PAH: variants seen among roughly 807,000 people sequenced by gnomAD.
The protein encoded by PAH is phenylalanine-4-hydroxylase.
Under a neutral mutation model 62.0 loss-of-function variants are expected in PAH, and 64 were observed. The ratio of observed to expected loss-of-function variants is 1.03; its 90% CI spans 0.84 to 1.27. The LOEUF is 1.27. PAH is among the 50% of genes most tolerant of loss of function. The probability of loss-of-function intolerance (pLI) is 0.00; values close to 1 mark genes in which losing one functional copy is unlikely to be tolerated. For missense variants in PAH, 579 were observed against 542.8 expected (o/e 1.07, Z -0.66); for synonymous variants, 195 against 196.2 (o/e 0.99, Z 0.05).
At chr12:102,898,502 A>G (rs1201725382) in intron 2 of PAH, among the ~76,000 whole-genome samples, 2 of 152,232 alleles carry the variant, frequency 1.3e-5, no homozygotes, top group African/African-American at 4.8e-5. Flanking sequence ...TAAAATTTCA[A>G]AAAATTAAAA....
At chr12:102,871,053 C>T (rs1305654745) in intron 4 of PAH, among the ~76,000 whole-genome samples, 1 of 152,326 alleles carries the variant, frequency 6.6e-6, no homozygotes, top group South Asian at 2.1e-4. Flanking sequence ...GCTGCACCTG[C>T]ATTCGACCAC....
chr12:102,863,984 T>A (rs1948299696), intron 5 of PAH, among the ~76,000 whole-genome samples: 1 of 152,202 alleles, frequency 6.6e-6, no homozygotes, highest in African/African-American at 2.4e-5. Context: ...CCATTTTGAA[T>A]CTTTACTTTT....
intron 2 of PAH, among the ~76,000 whole-genome samples, chr12:102,896,751 A>G (rs746921676): frequency 2.0e-5 from 3 of 152,206 alleles, no homozygotes; most frequent in Non-Finnish European, 4.4e-5. Flanking sequence ...TCTGTTGTCT[A>G]TGTGGCTAAA....
upstream of PAH, among the ~76,000 whole-genome samples, chr12:102,918,881 A>G (rs940672403): frequency 1.3e-5 from 2 of 152,206 alleles, no homozygotes; most frequent in African/African-American, 4.8e-5. Flanking sequence ...CCTCAGCCTC[A>G]GGATTTTCTT....
intron 1 of PAH, among the ~76,000 whole-genome samples, chr12:102,948,939 T>A (rs535952285): frequency 3.9e-4 from 60 of 152,166 alleles, no homozygotes; most frequent in Non-Finnish European, 7.8e-4. Flanking sequence ...CCAAATTGTA[T>A]GGAGAAGAAT....
intron 1 of PAH, among the ~76,000 whole-genome samples, chr12:102,944,404 C>A (rs954686902): frequency 6.6e-6 from 1 of 152,136 alleles, no homozygotes; most frequent in Non-Finnish European, 1.5e-5. Context: ...TAGGTCTGCT[C>A]TTTTAAGGTT....
At chr12:102,898,347 T>C (rs1461710963) in intron 2 of PAH, among the ~76,000 whole-genome samples, 2 of 152,250 alleles carry the variant, frequency 1.3e-5, no homozygotes, top group African/African-American at 4.8e-5. Context: ...AGTCAGAAAG[T>C]ATGTGATTTC....
intron 11 of PAH, among the ~76,000 whole-genome samples, chr12:102,841,388 A>G (rs1874589432): frequency 6.6e-6 from 1 of 152,172 alleles, no homozygotes; most frequent in Admixed American, 6.6e-5. Flanking sequence ...GGGAGACAGT[A>G]GGGACCTCCA....
chr12:102,958,393 CGCAGCA>C (rs3832799), upstream of PAH: 724 of 1,506,104 alleles, frequency 4.8e-4, no homozygotes, highest in African/African-American at 2.7e-3. Flanking sequence ...GCGCAGAGCG[CGCAGCA>C]GCAGCAGCAG....
intron 2 of PAH, among the ~76,000 whole-genome samples, chr12:102,909,629 T>C (rs66484911): frequency 0.25 from 37,416 of 152,110 alleles, 4,767 homozygotes; most frequent in Admixed American, 0.33. Flanking sequence ...TTCATATATT[T>C]GATCACAAGA....
At chr12:102,879,775 A>G (rs1237196585) in intron 3 of PAH, among the ~76,000 whole-genome samples, 1 of 152,136 alleles carries the variant, frequency 6.6e-6, no homozygotes, top group East Asian at 1.9e-4. Flanking sequence ...CATCTTGCCA[A>G]TCATGGGAAG....
rs1874461798 is a variant in PAH at position 102,838,672 on chromosome 12, TAAAG to T, written c.*499_*502del. 6.5e-6 allele frequency: 1 copy of T among 154,354 alleles called. No individual in the cohort carries two copies. The highest frequency in any genetic ancestry group is 6.4e-5 in the Admixed American group (1 of 15,628). 9.6% of individuals were successfully genotyped at this position (154,354 alleles called of 1,614,324 possible). A position where few individuals can be genotyped will look rare whatever the true frequency, so the allele number is the denominator to read the frequency against. On this transcript the variant is annotated 3_prime_UTR_variant, in exon 13 of 13. Coordinates refer to ENST00000553106, the MANE Select transcript of PAH (RefSeq NM_000277.3). ...TAACTATTTTAATGGGCTTCTGACT[TAAAG>T]AAAATTTACTTAGGTACAATAACAA...
intron 6 of PAH, chr12:102,854,829 C>CAA: frequency 2.4e-6 from 1 of 419,908 alleles, no homozygotes; most frequent in Non-Finnish European, 4.5e-6. Flanking sequence ...CAAAACAAAA[C>CAA]AAAAAAAAAC....
At chr12:102,877,811 G>A (rs927402660) in intron 3 of PAH, among the ~76,000 whole-genome samples, 4 of 152,144 alleles carry the variant, frequency 2.6e-5, no homozygotes, top group Non-Finnish European at 5.9e-5. Context: ...ACCCGTCATG[G>A]TAGTTTTCTT....
rs1046886832 is a variant in PAH, at chr12:102,838,701, A to G, written c.*474T>C. ...GAAAATTTACTTAGGTACAATAACA[A>G]AGTAGTAATTGGAATCATAGTTAAC... On this transcript the variant is annotated 3_prime_UTR_variant, in exon 13 of 13. Transcript: ENST00000553106. The G allele has an allele frequency of 1.3e-5, 2 of 155,656 alleles. No homozygotes were observed. Among genetic ancestry groups the G allele is most frequent in the African/African-American group, 4.8e-5 (2 of 41,486 alleles). 9.6% of individuals were successfully genotyped at this position (155,656 alleles called of 1,614,324 possible). A position where few individuals can be genotyped will look rare whatever the true frequency, so the allele number is the denominator to read the frequency against.
At chr12:102,848,001 A>T (rs1427870024) in intron 8 of PAH, among the ~76,000 whole-genome samples, 2 of 152,248 alleles carry the variant, frequency 1.3e-5, no homozygotes, top group East Asian at 3.8e-4. Flanking sequence ...CCAGAGCCAG[A>T]TCATGTAGAA....
At chr12:102,904,833 C>A (rs1877908123) in intron 2 of PAH, 1 of 393,586 alleles carries the variant, frequency 2.5e-6, no homozygotes, top group Non-Finnish European at 5.2e-6. Flanking sequence ...CACCACAGTC[C>A]CCCTGCTCTA....
chr12:102,958,077 C>G, intron 1 of PAH: 1 of 474,514 alleles, frequency 2.1e-6, no homozygotes, highest in Non-Finnish European at 3.4e-6. Context: ...AGAAGTCTCC[C>G]GGGGATTTTG....
At chr12:102,885,691 C>A (rs1322440426) in intron 3 of PAH, among the ~76,000 whole-genome samples, 2 of 152,140 alleles carry the variant, frequency 1.3e-5, no homozygotes. Context: ...CCCCCCAGGC[C>A]TGGCCAGAGC....
Sources: gnomAD v4.1 joint callset for allele counts (sites outside exome capture counted in the v4.1 genomes callset) on GRCh38, gnomAD v4.1.1 for gene constraint, MANE v1.5 for transcripts, NCBI Gene and HGNC (gene_info 2026-07-23, HGNC 2026-07-21) for gene names.